The following ZNF626 variants were observed in gnomAD, a reference collection of about 807,000 sequenced individuals.
The protein encoded by ZNF626 is zinc finger protein 626.
A neutral mutation model predicts 11.7 loss-of-function variants in ZNF626; 4 were observed. That is an observed-to-expected ratio of 0.34 (90% confidence interval 0.17 to 0.78). The LOEUF is 0.78. Ranked by LOEUF, ZNF626 falls within the 30% of genes least tolerant of loss-of-function variation. The pLI is 0.57. For missense variants in ZNF626, 588 were observed against 587.1 expected, an observed-to-expected ratio of 1.00 and a Z score of -0.01; for synonymous variants, 179 against 198.6, an observed-to-expected ratio of 0.90 and a Z score of 0.83.
intron 1 of ZNF626, among the ~76,000 whole-genome samples, chr19:20,651,091 G>A (rs1970140926): frequency 6.6e-6 from 1 of 151,444 alleles, no homozygotes; most frequent in Non-Finnish European, 1.5e-5. Flanking sequence ...GGAGGCTGAG[G>A]CAGGAGAATC....
At chr19:20,640,504 AAATT>A (rs1274860364) in intron 3 of ZNF626, among the ~76,000 whole-genome samples, 2 of 151,518 alleles carry the variant, frequency 1.3e-5, no homozygotes, top group East Asian at 1.9e-4. Flanking sequence ...CATGTGACAG[AAATT>A]AATATTCAAA....
chr19:20,655,671 C>G (rs1599488240), intron 1 of ZNF626, among the ~76,000 whole-genome samples: 2 of 151,702 alleles, frequency 1.3e-5, no homozygotes, highest in Non-Finnish European at 1.5e-5. Flanking sequence ...GCCTGCAATC[C>G]CAACACTTTG....
At chr19:20,659,866 C>T (rs1970245098) in intron 1 of ZNF626, among the ~76,000 whole-genome samples, 1 of 152,042 alleles carries the variant, frequency 6.6e-6, no homozygotes, top group South Asian at 2.1e-4. Context: ...CCCAGCTTTC[C>T]AAGGCTTTGT....
intron 1 of ZNF626, among the ~76,000 whole-genome samples, chr19:20,650,348 T>C: frequency 6.6e-6 from 1 of 152,212 alleles, no homozygotes; most frequent in Admixed American, 6.5e-5. Flanking sequence ...ATTCTGTTTA[T>C]ATTTACATTT....
In ZNF626 at chr19:20,630,099, C is replaced by T. The variant is rs1258225040; in HGVS notation, c.227-4449G>A. 4.6e-5 allele frequency among the ~76,000 whole-genome samples: 7 copies of T among 152,020 alleles called. No homozygotes were observed. In the East Asian group the frequency reaches 7.7e-4, roughly 17 times the overall value. On this transcript the variant is annotated intron_variant, in intron 3 of 3. Transcript: ENST00000601440. ...AGTATGTTTATTGATTTGCGTATGT[C>T]GAACCAGCCTTGCATCCCAGGGATG... is the stretch of plus-strand genomic sequence containing the variant.
intron 1 of ZNF626, among the ~76,000 whole-genome samples, chr19:20,652,266 T>G (rs1970154623): frequency 1.3e-5 from 2 of 149,598 alleles, no homozygotes; most frequent in Non-Finnish European, 1.5e-5. Context: ...CCATAGAGGC[T>G]GCTCTAGCAC....
intron 1 of ZNF626, among the ~76,000 whole-genome samples, chr19:20,660,354 T>C (rs782406138): frequency 1.3e-4 from 20 of 152,194 alleles, no homozygotes; most frequent in Non-Finnish European, 2.1e-4. Flanking sequence ...CACTTGGTTT[T>C]TGAAACTAAG....
At chr19:20,640,265 A>G (rs1485315698) in intron 3 of ZNF626, among the ~76,000 whole-genome samples, 1 of 148,470 alleles carries the variant, frequency 6.7e-6, no homozygotes, top group Non-Finnish European at 1.5e-5. Context: ...TAAAATTATT[A>G]ATTTAATTAT....
intron 3 of ZNF626, among the ~76,000 whole-genome samples, chr19:20,637,018 C>CAAAAAAAAAA (rs74172354): frequency 1.7e-5 from 1 of 58,758 alleles, no homozygotes; most frequent in Non-Finnish European, 3.1e-5. Context: ...GACTCCATCT[C>CAAAAAAAAAA]AAAAAAAAAA....
intron 3 of ZNF626, among the ~76,000 whole-genome samples, chr19:20,635,424 G>A (rs1555770824): frequency 6.6e-6 from 1 of 152,174 alleles, no homozygotes; most frequent in Non-Finnish European, 1.5e-5. Flanking sequence ...CTGGGTTTAA[G>A]TGATTCCTCT....
rs557013186 is a variant in ZNF626, at chr19:20,647,264, TAAAC to T, written c.4-863_4-860del. On this transcript the variant is annotated intron_variant, in intron 1 of 3. Transcript: ENST00000601440. ...TGTTTTTCCCACTTTTTCTAGCCTG[TAAAC>T]AAACAGCCCTCATTTACCAAAGAAA... 2.5e-4 allele frequency among the ~76,000 whole-genome samples: 38 copies of T among 152,044 alleles called. No individual in the cohort carries two copies. The South Asian group carries it at 7.0e-3, about 28-fold the overall frequency.
Position 20,620,405 on chromosome 19 carries a change from T to C in ZNF626, c.*3885A>G, listed in dbSNP as rs1166171054. 6.6e-6 allele frequency: 1 copy of C among 152,216 alleles called. No homozygotes were observed. The highest frequency in any genetic ancestry group is 1.5e-5 in the Non-Finnish European group (1 of 68,032). 9.4% of individuals were successfully genotyped at this position (152,216 alleles called of 1,614,324 possible). On this transcript the variant is annotated 3_prime_UTR_variant, in exon 4 of 4. Transcript: ENST00000601440. ...ATTTACCAAACACTCATTTCATAAT[T>C]TTCTTACACCTAAGGTTTATCTTCA...
At chr19:20,652,315 C>G (rs1555772649) in intron 1 of ZNF626, among the ~76,000 whole-genome samples, 1 of 132,892 alleles carries the variant, frequency 7.5e-6, no homozygotes, top group Non-Finnish European at 1.6e-5. Flanking sequence ...AAAAAAAAAG[C>G]TGACACAACA....
At chr19:20,631,230 C>T (rs1462815513) in intron 3 of ZNF626, among the ~76,000 whole-genome samples, 1 of 151,838 alleles carries the variant, frequency 6.6e-6, no homozygotes, top group Non-Finnish European at 1.5e-5. Flanking sequence ...TGGTGTGGTG[C>T]TGAAAATAAT....
chr19:20,642,744 C>T (rs1245380536), intron 3 of ZNF626, among the ~76,000 whole-genome samples: 6 of 151,944 alleles, frequency 3.9e-5, no homozygotes, highest in Admixed American at 3.3e-4. Flanking sequence ...TCAGGCCAGG[C>T]GCGGTGGCTC....
rs1969952529 is a variant in ZNF626 at position 20,635,108 on chromosome 19, T to C, written c.227-9458A>G. 1.3e-5 allele frequency among the ~76,000 whole-genome samples: 2 copies of C among 152,106 alleles called. 1 individual carries two copies. The highest frequency in any genetic ancestry group is 4.2e-4 in the South Asian group (2 of 4,818). On this transcript the variant is annotated intron_variant, in intron 3 of 3. Transcript: ENST00000601440. ...ACTATTAAGATAAATATTGATGACA[T>C]TATGCAAAATAAAATAAGCCAGCCA...
chr19:20,640,610 G>C lies in ZNF626; in HGVS notation c.226+5074C>G, dbSNP rs549914121. On this transcript the variant is annotated intron_variant, in intron 3 of 3. Transcript: ENST00000601440. The stretch of plus-strand genomic sequence containing the variant: ...TTTTATTAGAAAAGTACACAAATGA[G>C]AAAAAGCATTTGAAAGGACACAGAA... Among the ~76,000 whole-genome samples, 8 of 147,664 alleles carry C rather than the reference G, an allele frequency of 5.4e-5. 1 individual carries two copies. The South Asian group carries it at 8.5e-4, about 16-fold the overall frequency.
At position 20,622,259 on chromosome 19, in the gene ZNF626, T is replaced by C. The variant is rs971407781; in HGVS notation, c.*2031A>G. On this transcript the variant is annotated 3_prime_UTR_variant, in exon 4 of 4. Coordinates refer to ENST00000601440, the MANE Select transcript of ZNF626 (RefSeq NM_001076675.3). ...CACATCATCTAACAATTTTTAAATA[T>C]ATTGCATTTTATTACGTAACAGTAA... 6.6e-6 allele frequency: 1 copy of C among 152,224 alleles called. No homozygotes were observed. The highest frequency in any genetic ancestry group is 1.5e-5 in the Non-Finnish European group (1 of 68,032). 9.4% of individuals were successfully genotyped at this position (152,224 alleles called of 1,614,324 possible). A position where few individuals can be genotyped will look rare whatever the true frequency, so the allele number is the denominator to read the frequency against.
Position 20,625,336 on chromosome 19 carries a change from C to G in ZNF626, c.541G>C (p.Ala181Pro), listed in dbSNP as rs781955589. 30 of 1,613,802 alleles carry G rather than the reference C, an allele frequency of 1.9e-5. No homozygotes were observed. The Admixed American group carries it at 2.2e-4, about 12-fold the overall frequency. Residue 181 changes from alanine to proline, a missense_variant, in exon 4 of 4, where the codon GCT (alanine) becomes CCT (proline). Ala to Pro is a conservative substitution (Grantham distance 27). Transcript: ENST00000601440. ...KPFKYIECGK[A>P]FKQFSTLTTH... ...GTAAGAGTTGAGAACTGCTTAAAAGCTTTGCCACATTCTATATATTTGAAA... is the reference window on the plus strand; with the variant it reads ...GTAAGAGTTGAGAACTGCTTAAAAGGTTTGCCACATTCTATATATTTGAAA...
Sources: allele counts gnomAD v4.1 joint callset (sites outside exome capture counted in the v4.1 genomes callset), GRCh38; gene constraint gnomAD v4.1.1; transcripts MANE v1.5; gene names NCBI Gene and HGNC (gene_info 2026-07-23, HGNC 2026-07-21).